The following ABLIM1 variants were observed in gnomAD, a reference collection of about 807,000 sequenced individuals.
ABLIM1 encodes actin binding LIM protein 1.
In ABLIM1, 40 loss-of-function variants were observed where a neutral mutation model predicts 107.0. That is an observed-to-expected ratio of 0.37 (90% confidence interval 0.29 to 0.49). The LOEUF is 0.49. ABLIM1 is among the 20% of genes least tolerant of loss of function. The probability of loss-of-function intolerance (pLI) is 0.97; values close to 1 mark genes in which losing one functional copy is unlikely to be tolerated. For synonymous variants in ABLIM1, 357 were observed against 357.3 expected, an observed-to-expected ratio of 1.00 and a Z score of 0.01; for missense variants, 857 against 1,008.5, an observed-to-expected ratio of 0.85 and a Z score of 2.04.
intron 17 of ABLIM1, among the ~76,000 whole-genome samples, chr10:114,443,301 T>C (rs1310702413): frequency 6.7e-6 from 1 of 149,886 alleles, no homozygotes; most frequent in Non-Finnish European, 1.5e-5. Context: ...TCAGTTCTTG[T>C]ATTGAAGATT....
chr10:114,675,624 C>T (rs554166174), intron 1 of ABLIM1, among the ~76,000 whole-genome samples: 47 of 152,336 alleles, frequency 3.1e-4, no homozygotes, highest in African/African-American at 9.9e-4. Flanking sequence ...CTAGCCTTTG[C>T]GTGTATTTAC....
At chr10:114,508,794 A>T (rs144838405) in intron 6 of ABLIM1, among the ~76,000 whole-genome samples, 1 of 152,336 alleles carries the variant, frequency 6.6e-6, no homozygotes, top group Non-Finnish European at 1.5e-5. Context: ...TTATATAGGA[A>T]AATACTGCAT....
At chr10:114,439,356 TA>T in intron 20 of ABLIM1, 106 bp from the exon 21 acceptor site, 1 of 1,109,092 alleles carries the variant, frequency 9.0e-7, no homozygotes, top group South Asian at 1.3e-5. Flanking sequence ...TCCTAACCAC[TA>T]TTTTATTTGT....
intron 12 of ABLIM1, among the ~76,000 whole-genome samples, chr10:114,456,148 A>T (rs1366703927): frequency 1.3e-5 from 2 of 152,234 alleles, no homozygotes; most frequent in Non-Finnish European, 2.9e-5. Flanking sequence ...AACATATAGC[A>T]GGTCCTTGAA....
At chr10:114,512,176 G>A (rs1029219800) in intron 6 of ABLIM1, among the ~76,000 whole-genome samples, 1 of 152,328 alleles carries the variant, frequency 6.6e-6, no homozygotes, top group East Asian at 1.9e-4. Flanking sequence ...TTAAAGACAG[G>A]AGCCCAAACA....
chr10:114,731,148 T>C (rs2082064501), intron 1 of ABLIM1, among the ~76,000 whole-genome samples: 1 of 150,056 alleles, frequency 6.7e-6, no homozygotes, highest in Non-Finnish European at 1.5e-5. Flanking sequence ...GCATAGATTG[T>C]TTGTTTGTTT....
intron 1 of ABLIM1, among the ~76,000 whole-genome samples, chr10:114,698,659 A>G (rs993013763): frequency 6.6e-6 from 1 of 152,184 alleles, no homozygotes; most frequent in Non-Finnish European, 1.5e-5. Context: ...GAACACCCTA[A>G]AAGCTATCAG....
chr10:114,530,036 A>G (rs2065283603), intron 6 of ABLIM1, among the ~76,000 whole-genome samples: 1 of 152,214 alleles, frequency 6.6e-6, no homozygotes, highest in Non-Finnish European at 1.5e-5. Flanking sequence ...TCAAAAAATA[A>G]TATTTTTAAA....
At chr10:114,612,137 A>G (rs1003100119) in intron 1 of ABLIM1, among the ~76,000 whole-genome samples, 1 of 152,194 alleles carries the variant, frequency 6.6e-6, no homozygotes, top group African/African-American at 2.4e-5. Flanking sequence ...TCATGCTGAA[A>G]TTTCATTGCC....
At chr10:114,536,262 T>G (rs112100090) in intron 6 of ABLIM1, among the ~76,000 whole-genome samples, 1,021 of 72,964 alleles carry the variant, frequency 0.014, 29 homozygotes, top group African/African-American at 0.05. Flanking sequence ...TTTTTTTTTT[T>G]TTGAGATGGA....
chr10:114,521,416 C>A (rs2063715709), intron 6 of ABLIM1, among the ~76,000 whole-genome samples: 1 of 152,172 alleles, frequency 6.6e-6, no homozygotes, highest in African/African-American at 2.4e-5. Flanking sequence ...TAAGAACAAA[C>A]AATAATTACA....
At chr10:114,714,191 T>C (rs1591870225) in intron 1 of ABLIM1, among the ~76,000 whole-genome samples, 1 of 152,182 alleles carries the variant, frequency 6.6e-6, no homozygotes, top group Non-Finnish European at 1.5e-5. Context: ...TGGAGCTGGT[T>C]TTTTAATTAA....
rs143694372 is a variant in ABLIM1, at chr10:114,520,819, TA to T, written c.894+24185del. 1.5e-4 allele frequency among the ~76,000 whole-genome samples: 22 copies of T among 150,182 alleles called. 1 individual carries two copies. The highest frequency in any genetic ancestry group is 1.1e-3 in the Admixed American group (16 of 15,032). On this transcript the variant is annotated intron_variant, in intron 6 of 22. Coordinates refer to ENST00000533213, the MANE Select transcript of ABLIM1 (RefSeq NM_002313.7). The stretch of plus-strand genomic sequence containing the variant: ...AGACCCTGTCTCTAAAAAATAATAA[TA>T]AAAAAAAATTAGCTGGGCATGATGG...
chr10:114,438,261 G>C (rs975385075), intron 21 of ABLIM1, among the ~76,000 whole-genome samples: 3 of 152,024 alleles, frequency 2.0e-5, no homozygotes. Context: ...TTTTGTTTTT[G>C]TTTTTCTTTT....
intron 1 of ABLIM1, among the ~76,000 whole-genome samples, chr10:114,653,606 T>C (rs1466243423): frequency 6.6e-6 from 1 of 152,202 alleles, no homozygotes; most frequent in Admixed American, 6.5e-5. Flanking sequence ...AGGCCCTCAA[T>C]GAATGACAGC....
rs560411251 is a variant in ABLIM1 at position 114,559,475 on chromosome 10, A to G, written c.674-11699T>C. ...AAAAAAAAAAAAAGAAAGAAAGAAA[A>G]AAAGAAAAAAGAAAAAGATACTGAC... On this transcript the variant is annotated intron_variant, in intron 4 of 22. Coordinates refer to ENST00000533213, the MANE Select transcript of ABLIM1 (RefSeq NM_002313.7). Among the ~76,000 whole-genome samples the G allele has an allele frequency of 6.1e-5, 9 of 148,674 alleles. No homozygotes were observed. The South Asian group carries it at 6.3e-4, about 10-fold the overall frequency.
chr10:114,801,358 G>A, the ABLIM1 span, among the ~76,000 whole-genome samples: 2 of 152,208 alleles, frequency 1.3e-5, no homozygotes, highest in Admixed American at 6.5e-5. Context: ...TTTACATTGA[G>A]TACGCGGAGG....
intron 1 of ABLIM1, among the ~76,000 whole-genome samples, chr10:114,715,666 G>A (rs772162709): frequency 1.3e-5 from 2 of 152,024 alleles, no homozygotes; most frequent in African/African-American, 2.4e-5. Context: ...GGTCAACAAC[G>A]TTCTTCCTGA....
At chr10:114,594,226 T>C (rs1326557740) in intron 2 of ABLIM1, among the ~76,000 whole-genome samples, 1 of 152,228 alleles carries the variant, frequency 6.6e-6, no homozygotes, top group Non-Finnish European at 1.5e-5. Context: ...GCTAAGGGTC[T>C]AAACCAGAGT....
Sources: allele counts gnomAD v4.1 joint callset (sites outside exome capture counted in the v4.1 genomes callset), GRCh38; gene constraint gnomAD v4.1.1; transcripts MANE v1.5; gene names NCBI Gene and HGNC (gene_info 2026-07-23, HGNC 2026-07-21).